Variants in HNF1B observed in about 807,000 individuals in gnomAD.
The protein encoded by HNF1B is HNF1 homeobox B, also known as hepatocyte nuclear factor 1-beta.
A neutral mutation model predicts 61.7 loss-of-function variants in HNF1B; 8 were observed. That is an observed-to-expected ratio of 0.13 (90% CI 0.08 to 0.23). HNF1B has a LOEUF of 0.23. HNF1B is among the 10% of genes least tolerant of loss of function. HNF1B has a pLI of 1.00. For synonymous variants in HNF1B, 314 were observed against 287.7 expected (o/e 1.09, Z -0.93); for missense variants, 562 against 714.5 (o/e 0.79, Z 2.43).
rs747555052 is a variant in HNF1B, at chr17:37,744,806, C to G, written c.79G>C (p.Val27Leu). Residue 27 changes from valine (V) to leucine (L), a missense_variant, in exon 1 of 9, where the codon GTT (valine) becomes CTT (leucine). Val to Leu is a conservative substitution (Grantham distance 32). Coordinates refer to ENST00000617811, the MANE Select transcript of HNF1B (RefSeq NM_000458.4). ...LSSGVTKEVL[V>L]QALEELLPSP... ...GGCAGCAACTCCTCCAAGGCCTGAA[C>G]CAGCACCTCCTTGGTGACCCCGGAG... 19 of 1,613,482 alleles carry G rather than the reference C, an allele frequency of 1.2e-5. No individual in the cohort carries two copies. In the South Asian group the frequency reaches 1.8e-4, roughly 15 times the overall value.
chr17:37,731,255 C>T lies in HNF1B; in HGVS notation c.1045+340G>A, dbSNP rs17847523. On this transcript the variant is annotated intron_variant, in intron 4 of 8. Transcript: ENST00000617811. ...CACGCCATCACGACCCGTTTGCCTGCGGTTTGGATCTGGCCCACCCATAAG... is the reference window on the plus strand; with the variant it reads ...CACGCCATCACGACCCGTTTGCCTGTGGTTTGGATCTGGCCCACCCATAAG... The T allele has an allele frequency of 5.3e-3, 2,425 of 455,390 alleles. 70 individuals carry two copies. The East Asian group carries it at 0.071, about 13-fold the overall frequency. The allele number at this position is 455,390 out of a possible 1,614,324, so 28.2% of individuals were successfully genotyped here. A position where few individuals can be genotyped will look rare whatever the true frequency, so the allele number is the denominator to read the frequency against.
chr17:37,687,023 A>G lies in HNF1B; in HGVS notation c.*349T>C. On this transcript the variant is annotated 3_prime_UTR_variant, in exon 9 of 9. Coordinates refer to ENST00000617811, the MANE Select transcript of HNF1B (RefSeq NM_000458.4). ...CCTTCTCTCCTCATTTCAGTAACAG[A>G]TTCAAGTTTTCGCATCAGTTTGTTC... The G allele has an allele frequency of 1.9e-6, 1 of 532,744 alleles. No homozygotes were observed. The highest frequency in any genetic ancestry group is 3.4e-6 in the Non-Finnish European group (1 of 294,378). 33.0% of individuals were successfully genotyped at this position (532,744 alleles called of 1,614,324 possible).
chr17:37,722,411 T>C (rs899056987), intron 4 of HNF1B, among the ~76,000 whole-genome samples: 1 of 152,166 alleles, frequency 6.6e-6, no homozygotes, highest in Non-Finnish European at 1.5e-5. Flanking sequence ...AGCTAATAAC[T>C]TAAGGTCACA....
At chr17:37,724,159 C>T (rs2033416018) in intron 4 of HNF1B, among the ~76,000 whole-genome samples, 2 of 152,296 alleles carry the variant, frequency 1.3e-5, no homozygotes, top group East Asian at 1.9e-4. Flanking sequence ...TCAACAGCAC[C>T]TGGGAACTTG....
At chr17:37,710,942 C>G (rs7225211) in intron 4 of HNF1B, among the ~76,000 whole-genome samples, 1 of 152,172 alleles carries the variant, frequency 6.6e-6, no homozygotes, top group Admixed American at 6.5e-5. Context: ...AATAGCCACT[C>G]GGTAAACTTC....
chr17:37,695,845 C>T (rs141544872), intron 8 of HNF1B, among the ~76,000 whole-genome samples: 1,591 of 152,262 alleles, frequency 0.01, 13 homozygotes, highest in Non-Finnish European at 0.015. Context: ...TTTTATTTTA[C>T]AAGCTCATAG....
At chr17:37,728,454 C>T (rs1272283663) in intron 4 of HNF1B, among the ~76,000 whole-genome samples, 1 of 152,036 alleles carries the variant, frequency 6.6e-6, no homozygotes, top group Admixed American at 6.5e-5. Context: ...CTACAGGCAC[C>T]CGCCACCACA....
intron 4 of HNF1B, among the ~76,000 whole-genome samples, chr17:37,725,075 C>T (rs1003584833): frequency 1.3e-5 from 2 of 152,100 alleles, no homozygotes; most frequent in Non-Finnish European, 1.5e-5. Flanking sequence ...CTTCAAAGGC[C>T]CTTGCACAGA....
intron 2 of HNF1B, among the ~76,000 whole-genome samples, chr17:37,738,070 T>G (rs2033886475): frequency 6.6e-6 from 1 of 152,196 alleles, no homozygotes; most frequent in Admixed American, 6.5e-5. Flanking sequence ...AAGCTTAAAT[T>G]GGGCAGGGCC....
intron 4 of HNF1B, among the ~76,000 whole-genome samples, chr17:37,714,001 A>T (rs909467140): frequency 2.0e-5 from 3 of 152,246 alleles, no homozygotes; most frequent in Non-Finnish European, 2.9e-5. Context: ...GAACAAAAAT[A>T]AGTGCAAAGT....
intron 2 of HNF1B, among the ~76,000 whole-genome samples, chr17:37,737,712 G>T (rs1457971490): frequency 6.6e-6 from 1 of 151,746 alleles, no homozygotes; most frequent in East Asian, 1.9e-4. Flanking sequence ...GCGGGCACCT[G>T]CAGTCCCAGC....
At chr17:37,732,974 C>T (rs1229252972) in intron 3 of HNF1B, among the ~76,000 whole-genome samples, 1 of 152,048 alleles carries the variant, frequency 6.6e-6, no homozygotes, top group African/African-American at 2.4e-5. Context: ...AGCCACCGTG[C>T]CTGGCTGGTA....
intron 7 of HNF1B, 22 bp from the exon 8 acceptor site, chr17:37,699,216 A>T (rs761981242): frequency 6.3e-7 from 1 of 1,582,920 alleles, no homozygotes; most frequent in South Asian, 1.1e-5. Context: ...GAGTGAAGAC[A>T]GAATCAAGGT....
chr17:37,736,600 C>G lies in HNF1B; in HGVS notation c.545-2779G>C, dbSNP rs532437344. On this transcript the variant is annotated intron_variant, in intron 2 of 8. Transcript: ENST00000617811. ...CCTCTCACTAAAAACAAAACCCAAGCCACGTACCCCGCAAACGCTTCATAT... is the reference window on the plus strand; with the variant it reads ...CCTCTCACTAAAAACAAAACCCAAGGCACGTACCCCGCAAACGCTTCATAT... Among the ~76,000 whole-genome samples, 3 of 152,286 alleles carry G rather than the reference C, an allele frequency of 2.0e-5. No individual in the cohort carries two copies. In the East Asian group the frequency reaches 5.8e-4, roughly 29 times the overall value.
At chr17:37,706,665 A>C (rs2032758998) in intron 5 of HNF1B, among the ~76,000 whole-genome samples, 1 of 143,612 alleles carries the variant, frequency 7.0e-6, no homozygotes, top group Non-Finnish European at 1.5e-5. Flanking sequence ...GTTTTTCAAA[A>C]TACCAGTCAT....
At chr17:37,728,049 G>A (rs1032942095) in intron 4 of HNF1B, among the ~76,000 whole-genome samples, 5 of 151,966 alleles carry the variant, frequency 3.3e-5, no homozygotes, top group Non-Finnish European at 5.9e-5. Flanking sequence ...GGAGTGGAGT[G>A]GAGTGGCCCA....
intron 8 of HNF1B, among the ~76,000 whole-genome samples, chr17:37,687,733 C>T (rs2032027900): frequency 6.6e-6 from 1 of 152,288 alleles, no homozygotes; most frequent in Non-Finnish European, 1.5e-5. Context: ...GAAAAGGCAG[C>T]TGGATGGTGA....
intron 4 of HNF1B, among the ~76,000 whole-genome samples, chr17:37,717,247 A>C (rs983750092): frequency 6.6e-6 from 1 of 151,470 alleles, no homozygotes; most frequent in Non-Finnish European, 1.5e-5. Context: ...TTCAGAGCCA[A>C]CCTCCCATCC....
Position 37,731,659 on chromosome 17 carries a change from G to C in HNF1B, c.981C>G (p.Asn327Lys), listed in dbSNP as rs142144390. The change falls in exon 4 of 9, where the codon AAC becomes AAG. Residue 327 changes from asparagine to lysine, a missense_variant. Transcript: ENST00000617811. Reference protein sequence around the residue: ...AYSSNQTHSLNPLLSHGSPHH... With the variant: ...AYSSNQTHSLKPLLSHGSPHH... Reference sequence around the variant, plus strand: ...GGGGGGAGCCGTGGGAGAGCAGAGGGTTCAGGCTGTGAGTCTGGTTGGAGC... The same window carrying C: ...GGGGGGAGCCGTGGGAGAGCAGAGGCTTCAGGCTGTGAGTCTGGTTGGAGC... 4.9e-5 allele frequency: 79 copies of C among 1,614,036 alleles called. No homozygotes were observed. Among genetic ancestry groups the C allele is most frequent in the Non-Finnish European group, 6.4e-5 (76 of 1,180,042 alleles).
Sources: allele counts gnomAD v4.1 joint callset (sites outside exome capture counted in the v4.1 genomes callset), GRCh38; gene constraint gnomAD v4.1.1; transcripts MANE v1.5; gene names NCBI Gene and HGNC (gene_info 2026-07-23, HGNC 2026-07-21).